IQSEC1: variants seen among roughly 807,000 people sequenced by gnomAD.
IQSEC1 encodes IQ motif and SEC7 domain-containing protein 1.
In IQSEC1, 31 loss-of-function variants were observed where a neutral mutation model predicts 91.0. The ratio of observed to expected loss-of-function variants is 0.34; its 90% CI spans 0.26 to 0.46. The LOEUF (loss-of-function observed/expected upper bound fraction) is 0.46, where lower values mean the gene tolerates loss of function less well. IQSEC1 is among the 20% of genes least tolerant of loss of function. The pLI, the probability that IQSEC1 is intolerant of heterozygous loss-of-function variation, is 1.00. For missense variants in IQSEC1, 1,388 were observed against 1,575.6 expected (o/e 0.88, Z 2.02); for synonymous variants, 699 against 662.6 (o/e 1.05, Z -0.84).
rs1225752484 is a variant in IQSEC1, at chr3:12,900,940, T to G, written c.*43A>C. 1.9e-5 allele frequency: 29 copies of G among 1,538,900 alleles called. No homozygotes were observed. The highest frequency in any genetic ancestry group is 2.4e-5 in the Non-Finnish European group (27 of 1,146,608). On this transcript the variant is annotated 3_prime_UTR_variant, in exon 14 of 14. Coordinates refer to ENST00000613206, the MANE Select transcript of IQSEC1 (RefSeq NM_001134382.3). ...CGACCCCCGGGCGTGCCCTGTGTGG[T>G]GTGCAGGTGTTTCAGGGAGCCTGGG...
chr3:13,022,094 C>G (rs767369291), intron 1 of IQSEC1: 5 of 1,231,748 alleles, frequency 4.1e-6, no homozygotes, highest in Non-Finnish European at 5.1e-6. Flanking sequence ...CTGCCATACC[C>G]CTTCATGCCT....
Position 13,073,193 on chromosome 3 carries a change from G to C in IQSEC1, c.-179C>G. 2 of 689,958 alleles carry C rather than the reference G, an allele frequency of 2.9e-6. No homozygotes were observed. Among genetic ancestry groups the C allele is most frequent in the Non-Finnish European group, 5.0e-6 (2 of 399,756 alleles). The allele number at this position is 689,958 out of a possible 1,614,324, so 42.7% of individuals were successfully genotyped here. A position where few individuals can be genotyped will look rare whatever the true frequency, so the allele number is the denominator to read the frequency against. On this transcript the variant is annotated 5_prime_UTR_variant, in exon 1 of 14. Transcript: ENST00000613206. ...AGGGAGGCTGGGGCGGGAGCGGGGG[G>C]CGGCGCCAGCAGCGGGCTGTGGAGG...
intron 2 of IQSEC1, among the ~76,000 whole-genome samples, chr3:13,083,757 C>T (rs3856814): frequency 0.74 from 113,403 of 152,240 alleles, 42,529 homozygotes; most frequent in East Asian, 0.89. Flanking sequence ...ATAGCTGGGA[C>T]GGCACCTGGC....
intron 1 of IQSEC1, among the ~76,000 whole-genome samples, chr3:13,043,116 C>G (rs886552671): frequency 6.6e-6 from 1 of 152,172 alleles, no homozygotes; most frequent in Non-Finnish European, 1.5e-5. Context: ...CTATGACAGC[C>G]GCTCATTGGC....
At chr3:13,019,265 C>T (rs1703289322) in intron 1 of IQSEC1, among the ~76,000 whole-genome samples, 1 of 152,188 alleles carries the variant, frequency 6.6e-6, no homozygotes, top group South Asian at 2.1e-4. Flanking sequence ...AGAGACCCTT[C>T]TCCCGGCTCC....
chr3:13,132,843 C>T (rs1706642643), intron 2 of IQSEC1, among the ~76,000 whole-genome samples: 2 of 152,230 alleles, frequency 1.3e-5, no homozygotes, highest in African/African-American at 4.8e-5. Flanking sequence ...GCATCCTGAG[C>T]TCAATCCCAT....
chr3:13,228,861 T>C (rs1383489198), intron 1 of IQSEC1, among the ~76,000 whole-genome samples: 1 of 152,228 alleles, frequency 6.6e-6, no homozygotes, highest in African/African-American at 2.4e-5. Context: ...GTGTAAATGC[T>C]ACTTCCTCAG....
chr3:13,101,634 G>T (rs1023796387), intron 2 of IQSEC1, among the ~76,000 whole-genome samples: 1 of 151,988 alleles, frequency 6.6e-6, no homozygotes, highest in African/African-American at 2.4e-5. Context: ...GGGGAGTCAG[G>T]CTGGGCTGCA....
chr3:13,275,153 G>A (rs755397867), intron 1 of IQSEC1, among the ~76,000 whole-genome samples: 15 of 152,242 alleles, frequency 9.9e-5, no homozygotes, highest in Non-Finnish European at 1.9e-4. Flanking sequence ...CAGGGTTAGA[G>A]CATCAACAGA....
At chr3:13,257,964 G>A (rs1433600137) in intron 1 of IQSEC1, among the ~76,000 whole-genome samples, 3 of 152,240 alleles carry the variant, frequency 2.0e-5, no homozygotes, top group Non-Finnish European at 4.4e-5. Context: ...GCTACATCCA[G>A]ACAATGGAAT....
chr3:12,973,897 C>T (rs892869942), intron 1 of IQSEC1, among the ~76,000 whole-genome samples: 1 of 152,178 alleles, frequency 6.6e-6, no homozygotes, highest in Non-Finnish European at 1.5e-5. Context: ...AACTGGTTAT[C>T]TGGCTTCCTT....
In IQSEC1 at chr3:13,008,456, C is replaced by T. The variant is rs1012189631; in HGVS notation, c.23+64536G>A. 1.3e-5 allele frequency among the ~76,000 whole-genome samples: 2 copies of T among 152,188 alleles called. No individual in the cohort carries two copies. The highest frequency in any genetic ancestry group is 2.4e-5 in the African/African-American group (1 of 41,444). On this transcript the variant is annotated intron_variant, in intron 1 of 13. Transcript: ENST00000613206. The surrounding 1 kb of genome is among the most constrained non-coding windows in gnomAD (Gnocchi z 4.1). ...AATCCCCAGGGGGCTGTTCATACTC[C>T]TCTTCCCTCTGCCACCTGGCTGGCC...
intron 1 of IQSEC1, among the ~76,000 whole-genome samples, chr3:12,956,885 C>G (rs1000861506): frequency 1.3e-5 from 2 of 152,234 alleles, no homozygotes; most frequent in African/African-American, 4.8e-5. Context: ...GGTGTCACTC[C>G]TGCTCCGCTT....
chr3:12,955,840 G>A (rs192191421), intron 1 of IQSEC1, among the ~76,000 whole-genome samples: 105 of 152,282 alleles, frequency 6.9e-4, no homozygotes, highest in African/African-American at 2.4e-3. Context: ...TCCCCATAAG[G>A]AGACCTCGGA....
At chr3:13,163,627 G>T (rs1693391055) in intron 2 of IQSEC1, among the ~76,000 whole-genome samples, 1 of 152,158 alleles carries the variant, frequency 6.6e-6, no homozygotes. Flanking sequence ...TCGGTTGGTG[G>T]GGCGAGGATG....
chr3:13,261,968 C>A (rs1037217317), intron 1 of IQSEC1, among the ~76,000 whole-genome samples: 4 of 152,250 alleles, frequency 2.6e-5, no homozygotes, highest in African/African-American at 9.6e-5. Context: ...GTACACTTGA[C>A]ATCTTGGGAA....
At chr3:13,035,562 A>C (rs1454038871) in intron 1 of IQSEC1, among the ~76,000 whole-genome samples, 4 of 152,190 alleles carry the variant, frequency 2.6e-5, no homozygotes, top group Admixed American at 2.6e-4. Context: ...CTGGGTCCCA[A>C]GTGTCCCTAC....
intron 1 of IQSEC1, among the ~76,000 whole-genome samples, chr3:13,164,960 C>A (rs906559836): frequency 3.3e-5 from 5 of 152,158 alleles, no homozygotes; most frequent in Non-Finnish European, 7.3e-5. Flanking sequence ...TCTTTTTGTT[C>A]ATTGCCTTTT....
At chr3:12,920,667 G>C in intron 5 of IQSEC1, 71 bp from the exon 6 acceptor site, 3 of 1,505,566 alleles carry the variant, frequency 2.0e-6, no homozygotes, top group South Asian at 2.3e-5. Context: ...CACCCGCTGA[G>C]GCTGTCATGT....
Sources: allele counts gnomAD v4.1 joint callset (sites outside exome capture counted in the v4.1 genomes callset), GRCh38; gene constraint gnomAD v4.1.1; non-coding constraint Gnocchi (gnomAD v3.1); transcripts MANE v1.5; gene names NCBI Gene and HGNC (gene_info 2026-07-23, HGNC 2026-07-21).